FRMD5: variants seen among roughly 807,000 people sequenced by gnomAD.
The protein encoded by FRMD5 is FERM domain containing 5, also known as FERM domain-containing protein 5.
In FRMD5, 20 loss-of-function variants were observed where a neutral mutation model predicts 69.0. The ratio of observed to expected loss-of-function variants is 0.29; its 90% CI spans 0.20 to 0.42. FRMD5 has a LOEUF of 0.42. Among genes scored for constraint, FRMD5 ranks in the 10% least tolerant of loss-of-function variants. The probability of loss-of-function intolerance (pLI) is 1.00; values close to 1 mark genes in which losing one functional copy is unlikely to be tolerated. For synonymous variants in FRMD5, 271 were observed against 260.1 expected, an observed-to-expected ratio of 1.04 and a Z score of -0.40; for missense variants, 595 against 708.6, an observed-to-expected ratio of 0.84 and a Z score of 1.82.
chr15:43,997,118 A>G (rs1889970251), intron 1 of FRMD5, among the ~76,000 whole-genome samples: 1 of 152,166 alleles, frequency 6.6e-6, no homozygotes, highest in South Asian at 2.1e-4. Context: ...TTTCAAGAAG[A>G]CAGACACAGG....
chr15:43,924,232 G>A lies in FRMD5; in HGVS notation c.180C>T (p.Ile60=). The part of the protein sequence containing the change: ...LNLLEKDYFG[I]RFVDPDKQRH... ...GCTGCTTATCTGGGTCTACAAAGCG[G>A]ATACCAAAATAGTCTTTCTCAAGTA... The change falls in exon 2 of 14, where the codon ATC becomes ATT. Residue 60 remains isoleucine, a synonymous_variant. Transcript: ENST00000417257. The A allele has an allele frequency of 1.2e-6, 2 of 1,614,062 alleles. No homozygotes were observed. The highest frequency in any genetic ancestry group is 1.3e-5 in the African/African-American group (1 of 75,042).
intron 1 of FRMD5, among the ~76,000 whole-genome samples, chr15:44,176,969 TAA>T (rs56687595): frequency 0.81 from 111,335 of 137,458 alleles, 47,321 homozygotes; most frequent in Non-Finnish European, 0.93. Flanking sequence ...ATAAAATATG[TAA>T]AAAAAAAAAA....
chr15:43,982,600 C>T (rs1566878425), intron 1 of FRMD5, among the ~76,000 whole-genome samples: 2 of 152,254 alleles, frequency 1.3e-5, no homozygotes, highest in South Asian at 2.1e-4. Context: ...TGGCATTTTT[C>T]CCCCAGAATA....
intron 1 of FRMD5, among the ~76,000 whole-genome samples, chr15:43,956,872 CT>C (rs944866409): frequency 6.6e-6 from 1 of 152,164 alleles, no homozygotes; most frequent in African/African-American, 2.4e-5. Flanking sequence ...GGCCTTTTCT[CT>C]TTTGTCTCTA....
chr15:44,173,567 G>A (rs933484553), intron 1 of FRMD5, among the ~76,000 whole-genome samples: 2 of 152,128 alleles, frequency 1.3e-5, no homozygotes, highest in Non-Finnish European at 1.5e-5. Context: ...ACCCAGGCTG[G>A]AGTGCAGTGG....
At chr15:44,096,954 A>T (rs2076562950) in intron 1 of FRMD5, among the ~76,000 whole-genome samples, 1 of 152,218 alleles carries the variant, frequency 6.6e-6, no homozygotes, top group Non-Finnish European at 1.5e-5. Flanking sequence ...TTGATGCTTC[A>T]TACAAAAAAT....
At chr15:44,011,188 T>TTTTCTTCCTCTCTTCCTCCC (rs1890702777) in intron 1 of FRMD5, among the ~76,000 whole-genome samples, 1 of 148,572 alleles carries the variant, frequency 6.7e-6, no homozygotes. Context: ...CCCTTCCTTC[T>TTTTCTTCCTCTCTTCCTCCC]TTTCTTCCTC....
intron 1 of FRMD5, among the ~76,000 whole-genome samples, chr15:44,135,952 T>A (rs930213135): frequency 3.3e-5 from 5 of 152,184 alleles, no homozygotes; most frequent in Non-Finnish European, 7.3e-5. Flanking sequence ...AATACAAATC[T>A]GACACCAGTT....
At chr15:43,981,901 C>A (rs979806056) in intron 1 of FRMD5, among the ~76,000 whole-genome samples, 2 of 152,238 alleles carry the variant, frequency 1.3e-5, no homozygotes, top group Non-Finnish European at 2.9e-5. Context: ...CCCTCTCCCC[C>A]ACTTTTCTGC....
chr15:44,162,790 C>G (rs145336923), intron 1 of FRMD5, among the ~76,000 whole-genome samples: 1 of 147,012 alleles, frequency 6.8e-6, no homozygotes, highest in Non-Finnish European at 1.5e-5. Context: ...TTGCTTGAAC[C>G]TGGGAGGCAG....
intron 1 of FRMD5, among the ~76,000 whole-genome samples, chr15:44,018,172 G>A (rs1891055572): frequency 6.6e-6 from 1 of 152,102 alleles, no homozygotes; most frequent in Non-Finnish European, 1.5e-5. Flanking sequence ...TATTTAATAT[G>A]GTTTAGATCA....
At chr15:44,033,137 T>G (rs1891758422) in intron 1 of FRMD5, among the ~76,000 whole-genome samples, 1 of 152,208 alleles carries the variant, frequency 6.6e-6, no homozygotes, top group Non-Finnish European at 1.5e-5. Flanking sequence ...ATGTTCTTAC[T>G]TATAAGTGGT....
intron 7 of FRMD5, among the ~76,000 whole-genome samples, chr15:43,893,182 A>C (rs192372142): frequency 8.1e-4 from 124 of 152,214 alleles, no homozygotes; most frequent in Admixed American, 1.6e-3. Context: ...AAAGGCTGTT[A>C]TTAAAGAGTG....
intron 1 of FRMD5, among the ~76,000 whole-genome samples, chr15:44,004,803 A>G (rs1046288819): frequency 6.6e-5 from 10 of 152,384 alleles, no homozygotes; most frequent in African/African-American, 2.4e-4. Flanking sequence ...AAAAATGATT[A>G]TGCTTAGTGA....
intron 1 of FRMD5, among the ~76,000 whole-genome samples, chr15:44,050,048 A>G (rs1232203744): frequency 6.6e-6 from 1 of 152,220 alleles, no homozygotes; most frequent in Non-Finnish European, 1.5e-5. Flanking sequence ...ACCACAATAA[A>G]TTTTAGTTTA....
intron 1 of FRMD5, among the ~76,000 whole-genome samples, chr15:44,143,653 C>T (rs1045696185): frequency 1.3e-5 from 2 of 150,974 alleles, no homozygotes; most frequent in South Asian, 2.1e-4. Flanking sequence ...CGGCTGGGCG[C>T]GATGGCTCAC....
Position 43,874,331 on chromosome 15 carries a change from C to G in FRMD5, c.1267G>C (p.Ala423Pro). 6.2e-7 allele frequency: 1 copy of G among 1,614,240 alleles called. No individual in the cohort carries two copies. The highest frequency in any genetic ancestry group is 8.5e-7 in the Non-Finnish European group (1 of 1,180,048). Residue 423 changes from alanine to proline, a missense_variant, in exon 14 of 14, where the codon GCC becomes CCC. Physicochemically the swap from Ala to Pro is conservative, Grantham distance 27. Transcript: ENST00000417257. ...AGCACGCTGTCTGCAGGGCTGTAGGCCTCGTCTGCAATCACAGCTACTCGC... is the reference window on the plus strand; with the variant it reads ...AGCACGCTGTCTGCAGGGCTGTAGGGCTCGTCTGCAATCACAGCTACTCGC... ...NERVAVIADE[A>P]YSPADSVLPT... is the part of the protein sequence containing the mutation.
intron 1 of FRMD5, among the ~76,000 whole-genome samples, chr15:44,104,542 T>C (rs1238389927): frequency 6.6e-6 from 1 of 152,218 alleles, no homozygotes; most frequent in African/African-American, 2.4e-5. Context: ...TGTACCATTT[T>C]TAATGTTTCA....
chr15:44,037,862 T>G (rs1008812455), intron 1 of FRMD5, among the ~76,000 whole-genome samples: 3 of 152,144 alleles, frequency 2.0e-5, no homozygotes, highest in Admixed American at 1.3e-4. Flanking sequence ...TGGTTCTAGA[T>G]CCTTGAGGAA....
Sources: allele counts gnomAD v4.1 joint callset (sites outside exome capture counted in the v4.1 genomes callset), GRCh38; gene constraint gnomAD v4.1.1; transcripts MANE v1.5; gene names NCBI Gene and HGNC (gene_info 2026-07-23, HGNC 2026-07-21).